Variants in NBPF12 observed in about 807,000 individuals in gnomAD.
The protein encoded by NBPF12 is NBPF family member NBPF12.
A neutral mutation model predicts 146.4 loss-of-function variants in NBPF12; 115 were observed. The ratio of observed to expected loss-of-function variants is 0.79; its 90% CI spans 0.68 to 0.92. The LOEUF (loss-of-function observed/expected upper bound fraction) is 0.92. Among genes scored for constraint, NBPF12 ranks in the 40% least tolerant of loss-of-function variants. NBPF12 has a pLI of 0.00. For missense variants in NBPF12, 1,205 were observed against 1,326.8 expected (o/e 0.91, Z 1.43); for synonymous variants, 385 against 508.9 (o/e 0.76, Z 3.28).
rs1158077438 is a variant in NBPF12, at chr1:146,980,783, T to C, written c.2450+1773T>C. On this transcript the variant is annotated intron_variant, in intron 19 of 33. Coordinates refer to ENST00000617844, the Ensembl canonical transcript of NBPF12. ...GACCCAGCCATCCCATTACTGGGTG[T>C]ATACCCAAAGGATTATAAATCATGC... Among the ~76,000 whole-genome samples the C allele has an allele frequency of 1.3e-3, 187 of 145,138 alleles. 1 individual carries two copies. The highest frequency in any genetic ancestry group is 3.5e-3 in the Middle Eastern group (1 of 282).
At chr1:146,982,985 T>C in exon 20 of NBPF12, 2 of 1,609,594 alleles carry the variant, frequency 1.2e-6, no homozygotes, top group Non-Finnish European at 1.7e-6. Flanking sequence ...ATGAAGGTTA[T>C]TCGACTCTCT....
chr1:146,964,555 C>A, intron 7 of NBPF12, 126 bp downstream of exon 10: 1 of 1,506,786 alleles, frequency 6.6e-7, no homozygotes, highest in Admixed American at 1.7e-5. Context: ...ATGTGAAATT[C>A]AACCCAGCTT....
chr1:146,952,530 C>T (rs1268264985), intron 2 of NBPF12, among the ~76,000 whole-genome samples: 1 of 151,030 alleles, frequency 6.6e-6, no homozygotes, highest in Non-Finnish European at 1.5e-5. Flanking sequence ...AATATCTTGA[C>T]TCCTGGTTGA....
chr1:146,938,961 A>T (rs1654652602), exon 1 of NBPF12: 3 of 152,164 alleles, frequency 2.0e-5, no homozygotes. Context: ...GTTTACTGCG[A>T]AGTCCACCCA....
At chr1:146,961,929 G>A (rs1655877234) in intron 4 of NBPF12, among the ~76,000 whole-genome samples, 1 of 152,112 alleles carries the variant, frequency 6.6e-6, no homozygotes, top group Non-Finnish European at 1.5e-5. Context: ...GAATCATCTT[G>A]TCAACTTCCT....
chr1:146,964,303 G>A (rs1373420047), intron 6 of NBPF12, 54 bp from the exon 10 acceptor site: 1 of 1,594,854 alleles, frequency 6.3e-7, no homozygotes, highest in Non-Finnish European at 8.6e-7. Flanking sequence ...TGGGCTGACT[G>A]TGCTTGCAGA....
In NBPF12 at chr1:146,943,802, C is replaced by T. The variant is rs1553883068; in HGVS notation, c.-550+240C>T. 2.7e-3 allele frequency among the ~76,000 whole-genome samples: 412 copies of T among 151,712 alleles called. 4 individuals carry two copies. The highest frequency in any genetic ancestry group is 9.6e-3 in the African/African-American group (393 of 41,146). On this transcript the variant is annotated intron_variant, in intron 2 of 35. Transcript: ENST00000617931. ...TTTACTTCAGGAGAGGACATGTTCT[C>T]TTCAGGACTTTTCCTTGGTAGCTAG... is the stretch of plus-strand genomic sequence containing the variant.
exon 34 of NBPF12, chr1:146,995,806 A>T (rs587756135): frequency 5.3e-5 from 8 of 150,206 alleles, no homozygotes; most frequent in Admixed American, 5.3e-4. Context: ...TCCCTTTTAG[A>T]GACACCTTAC....
At chr1:146,981,714 T>G (rs1353435631) in intron 19 of NBPF12, among the ~76,000 whole-genome samples, 1 of 151,150 alleles carries the variant, frequency 6.6e-6, no homozygotes, top group Non-Finnish European at 1.5e-5. Context: ...TTTGGTCTTT[T>G]CACATAGTCC....
intron 12 of NBPF12, 140 bp from the exon 16 acceptor site, chr1:146,971,043 G>A: frequency 1.5e-6 from 2 of 1,341,160 alleles, no homozygotes; most frequent in Non-Finnish European, 2.1e-6. Context: ...AGGATTGCCT[G>A]TTCCCTCTTA....
chr1:146,984,476 T>G (rs2101908797), intron 21 of NBPF12, among the ~76,000 whole-genome samples: 1 of 150,688 alleles, frequency 6.6e-6, no homozygotes, highest in South Asian at 2.1e-4. Flanking sequence ...GAGGCCATGC[T>G]TTTCATGATC....
At chr1:146,994,558 G>A (rs1375281853) in exon 34 of NBPF12, 16 of 1,609,478 alleles carry the variant, frequency 9.9e-6, no homozygotes, top group Admixed American at 1.7e-5. Context: ...CCAGATGGGA[G>A]TCATATTCCC....
chr1:146,973,432 A>AGG (rs1656786259), intron 14 of NBPF12, among the ~76,000 whole-genome samples: 1 of 151,456 alleles, frequency 6.6e-6, no homozygotes, highest in Non-Finnish European at 1.5e-5. Flanking sequence ...ACCCGCTCTG[A>AGG]GGGGCTTCAA....
At chr1:146,963,184 T>G in exon 6 of NBPF12, 1 of 1,601,828 alleles carries the variant, frequency 6.2e-7, no homozygotes, top group Non-Finnish European at 8.5e-7. Flanking sequence ...TCCCGCTCAT[T>G]GAATGAGCAT....
intron 11 of NBPF12, among the ~76,000 whole-genome samples, chr1:146,969,843 T>C (rs1656467338): frequency 6.6e-6 from 1 of 151,000 alleles, no homozygotes; most frequent in African/African-American, 2.5e-5. Flanking sequence ...GCAGCATCTA[T>C]CTAGTTTTAA....
intron 1 of NBPF12, among the ~76,000 whole-genome samples, chr1:146,940,755 A>G (rs1654762260): frequency 2.6e-5 from 4 of 152,152 alleles, no homozygotes; most frequent in Admixed American, 1.3e-4. Context: ...GGAATATTCC[A>G]GTTACCCCAC....
In NBPF12 at chr1:146,969,366, T is replaced by C. The variant is rs1479541449; in HGVS notation, c.1092-16T>C. On this transcript the variant is annotated splice_polypyrimidine_tract_variant and intron_variant, in intron 10 of 33. Coordinates refer to ENST00000617844, the Ensembl canonical transcript of NBPF12. Reference sequence around the variant, plus strand: ...ACCCTTTCCACTCTTAAATTTTCTCTACCGTCTCACCTTAGGCAATATAAA... The same window carrying C: ...ACCCTTTCCACTCTTAAATTTTCTCCACCGTCTCACCTTAGGCAATATAAA... The C allele has an allele frequency of 1.2e-6, 1 of 833,906 alleles. No homozygotes were observed. Among genetic ancestry groups the C allele is most frequent in the East Asian group, 2.5e-5 (1 of 39,560 alleles). 51.7% of individuals were successfully genotyped at this position (833,906 alleles called of 1,614,324 possible).
exon 6 of NBPF12, chr1:146,963,255 C>G: frequency 1.2e-6 from 2 of 1,611,970 alleles, no homozygotes; most frequent in Non-Finnish European, 1.7e-6. Flanking sequence ...CCTCCAAGAA[C>G]AGCTGGCTGA....
chr1:146,982,980 G>A lies in NBPF12; in HGVS notation c.2503G>A (p.Gly835Ser), dbSNP rs1308499171. Residue 835 changes from glycine (G) to serine (S), a missense_variant, in exon 20 of 34, where the codon GGT becomes AGT. Physicochemically the swap from Gly to Ser is moderately conservative, Grantham distance 56. This residue lies in a region of NBPF12 where 49 missense variants were observed against 49.9 expected (regional missense o/e 0.98). Coordinates refer to ENST00000617844, the Ensembl canonical transcript of NBPF12. ...AGTCCCCCAGGAGTCCTGGGATGAA[G>A]GTTATTCGACTCTCTCAATTCCTCC... The A allele has an allele frequency of 1.9e-6, 3 of 1,609,238 alleles. No homozygotes were observed. In the African/African-American group the frequency reaches 4.1e-5, roughly 22 times the overall value.
Sources: gnomAD v4.1 joint callset for allele counts (sites outside exome capture counted in the v4.1 genomes callset) on GRCh38, gnomAD v4.1.1 for gene constraint, gnomAD v4.1.1 regional missense constraint, MANE v1.5 for transcripts, NCBI Gene and HGNC (gene_info 2026-07-23, HGNC 2026-07-21) for gene names.